Variants in MYL3 observed in about 807,000 individuals in gnomAD.
MYL3 encodes CMLC1.
In MYL3, 11 loss-of-function variants were observed where a neutral mutation model predicts 21.3. The ratio of observed to expected loss-of-function variants is 0.52; its 90% CI spans 0.32 to 0.85. MYL3 has a LOEUF of 0.85. MYL3 is among the 40% of genes least tolerant of loss of function. The pLI, the probability that MYL3 is intolerant of heterozygous loss-of-function variation, is 0.03. For synonymous variants in MYL3, 88 were observed against 91.6 expected (o/e 0.96, Z 0.22); for missense variants, 206 against 253.3 (o/e 0.81, Z 1.27).
At chr3:46,871,265 T>C (rs886592943) in intron 1 of MYL3, among the ~76,000 whole-genome samples, 1 of 151,986 alleles carries the variant, frequency 6.6e-6, no homozygotes. Flanking sequence ...CATCTGTTTG[T>C]GTGTGAACGT....
rs1338579308 is a variant in MYL3 at position 46,859,315 on chromosome 3, C to T, written c.481+160G>A. Among the ~76,000 whole-genome samples, 1 of 152,238 alleles carries T rather than the reference C, an allele frequency of 6.6e-6. No individual in the cohort carries two copies. The highest frequency in any genetic ancestry group is 1.5e-5 in the Non-Finnish European group (1 of 68,040). ...GAGCTGCACCAGCATGCTTGCTTTACTCTCCTCCTAAGTAACATTTCTGTT... is the reference window on the plus strand; with the variant it reads ...GAGCTGCACCAGCATGCTTGCTTTATTCTCCTCCTAAGTAACATTTCTGTT... On this transcript the variant is annotated intron_variant, in intron 4 of 6. Coordinates refer to ENST00000292327, the MANE Select transcript of MYL3 (RefSeq NM_000258.3). This position sits in a 1 kb window ranked among gnomAD's most constrained non-coding sequence, Gnocchi z 4.1.
Position 46,860,738 on chromosome 3 carries a change from G to A in MYL3, c.245C>T (p.Ala82Val), listed in dbSNP as rs752549068. ...TGCCTGTGTGGGGTTCTGGCCCAGC[G>A]CCCGCAGGACATCCCCACACTGCCC... is the stretch of plus-strand genomic sequence containing the variant. ...TYGQCGDVLR[A>V]LGQNPTQAEV... The change falls in exon 3 of 7, where the codon GCG becomes GTG. Residue 82 changes from alanine (A) to valine (V), a missense_variant. Transcript: ENST00000292327. This position sits in a 1 kb window ranked among gnomAD's most constrained non-coding sequence, Gnocchi z 4.6. 15 of 1,614,106 alleles carry A rather than the reference G, an allele frequency of 9.3e-6. No homozygotes were observed. Among genetic ancestry groups the A allele is most frequent in the South Asian group, 2.2e-5 (2 of 91,086 alleles).
At position 46,875,892 on chromosome 3, in the gene MYL3, G is replaced by T. The variant is rs536716923; in HGVS notation, c.-218+6182C>A. Among the ~76,000 whole-genome samples the T allele has an allele frequency of 4.6e-5, 7 of 152,308 alleles. No homozygotes were observed. The East Asian group carries it at 1.4e-3, about 29-fold the overall frequency. On this transcript the variant is annotated intron_variant, in intron 1 of 3. Coordinates refer to the MYL3 transcript ENST00000431168. ...GGCCGGGCCCGAGTAAACATGGCTG[G>T]GTCTGAGCTGCCATTCTCCCCCTAC... is the stretch of plus-strand genomic sequence containing the variant.
At position 46,859,570 on chromosome 3, in the gene MYL3, G is replaced by A; in HGVS notation, c.386C>T (p.Thr129Ile). 1 of 1,614,222 alleles carries A rather than the reference G, an allele frequency of 6.2e-7. No individual in the cohort carries two copies. Among genetic ancestry groups the A allele is most frequent in the Non-Finnish European group, 8.5e-7 (1 of 1,180,040 alleles). The change falls in exon 4 of 7, where the codon ACC (threonine) becomes ATC (isoleucine). Residue 129 changes from threonine (T) to isoleucine (I), a missense_variant. By Grantham distance (89) the Thr-to-Ile change is moderately conservative (BLOSUM62 -1). Transcript: ENST00000292327. This position sits in a 1 kb window ranked among gnomAD's most constrained non-coding sequence, Gnocchi z 4.1. ...CAGCCCCTCCACGAAGTCCTCATAG[G>A]TGCCTGTGTCCTTGTTCTTGGAAAT... ...QHISKNKDTGTYEDFVEGLRV... is the reference protein window; with the variant it reads ...QHISKNKDTGIYEDFVEGLRV...
At chr3:46,866,430 G>C (rs925464144), upstream of MYL3, 1 of 152,274 alleles carries the variant, frequency 6.6e-6, no homozygotes, top group African/African-American at 2.4e-5. Context: ...GGGAAGATAT[G>C]GGCCCTGACT....
chr3:46,869,424 C>A (rs1646666905), intron 1 of MYL3, among the ~76,000 whole-genome samples: 1 of 152,130 alleles, frequency 6.6e-6, no homozygotes, highest in Non-Finnish European at 1.5e-5. Flanking sequence ...TGGGCTGGGG[C>A]TCTGCCCAGC....
chr3:46,871,003 T>C (rs1702104448), intron 1 of MYL3, among the ~76,000 whole-genome samples: 1 of 152,230 alleles, frequency 6.6e-6, no homozygotes, highest in South Asian at 2.1e-4. Flanking sequence ...CACGCGCCTG[T>C]GCACACATAT....
At chr3:46,875,663 C>T (rs1315504672) in intron 1 of MYL3, among the ~76,000 whole-genome samples, 1 of 152,220 alleles carries the variant, frequency 6.6e-6, no homozygotes, top group Non-Finnish European at 1.5e-5. Flanking sequence ...TGTTACGACG[C>T]TGCAAATACC....
chr3:46,877,604 T>C (rs1191245779), intron 1 of MYL3: 1 of 152,244 alleles, frequency 6.6e-6, no homozygotes, highest in Non-Finnish European at 1.5e-5. Flanking sequence ...CTCTGTTGCC[T>C]CCTACTCCTG....
upstream of MYL3, among the ~76,000 whole-genome samples, chr3:46,864,936 T>C (rs924492756): frequency 4.6e-5 from 7 of 152,236 alleles, no homozygotes; most frequent in Admixed American, 4.6e-4. This position sits in a 1 kb window ranked among gnomAD's most constrained non-coding sequence, Gnocchi z 4.7. Flanking sequence ...TGGGCTCTGT[T>C]CCTTGCCCAG....
In MYL3 at chr3:46,858,491, C is replaced by G. The variant is rs768956281; in HGVS notation, c.482-30G>C. The G allele has an allele frequency of 5.6e-6, 9 of 1,605,022 alleles. No individual in the cohort carries two copies. In the East Asian group the frequency reaches 2.0e-4, roughly 36 times the overall value. On this transcript the variant is annotated intron_variant, in intron 4 of 6. Transcript: ENST00000292327. Reference sequence around the variant, plus strand: ...CAGGAGTGGGAGGCTGAGTCAGCACCGTGCGTGCAGAGGCATGATGGGGTG... The same window carrying G: ...CAGGAGTGGGAGGCTGAGTCAGCACGGTGCGTGCAGAGGCATGATGGGGTG...
chr3:46,877,310 C>T (rs530465496), intron 1 of MYL3, among the ~76,000 whole-genome samples: 3 of 152,298 alleles, frequency 2.0e-5, no homozygotes, highest in African/African-American at 7.2e-5. Flanking sequence ...ACCTCCAGCC[C>T]CCCTCTGATT....
At chr3:46,878,977 G>A (rs2030393537) in intron 1 of MYL3, among the ~76,000 whole-genome samples, 1 of 152,234 alleles carries the variant, frequency 6.6e-6, no homozygotes. Flanking sequence ...AACTGACTCT[G>A]AGCCCCTGGG....
chr3:46,881,801 C>T (rs2030587654), intron 1 of MYL3, among the ~76,000 whole-genome samples: 1 of 152,066 alleles, frequency 6.6e-6, no homozygotes, highest in South Asian at 2.1e-4. Flanking sequence ...GGGACCCCGA[C>T]CCGGCCCGAA....
Position 46,860,382 on chromosome 3 carries a change from G to A in MYL3, c.307+294C>T, listed in dbSNP as rs568986815. Among the ~76,000 whole-genome samples, 3 of 152,184 alleles carry A rather than the reference G, an allele frequency of 2.0e-5. No individual in the cohort carries two copies. The highest frequency in any genetic ancestry group is 2.1e-4 in the South Asian group (1 of 4,820). On this transcript the variant is annotated intron_variant, in intron 3 of 6. Coordinates refer to ENST00000292327, the MANE Select transcript of MYL3 (RefSeq NM_000258.3). This position sits in a 1 kb window ranked among gnomAD's most constrained non-coding sequence, Gnocchi z 4.6. ...CTCAAGTGATCCTCCCAAAGCATTGGGATGACAGCATCCCACTGCCCACTG... is the reference window on the plus strand; with the variant it reads ...CTCAAGTGATCCTCCCAAAGCATTGAGATGACAGCATCCCACTGCCCACTG...
At chr3:46,875,497 A>G (rs370649239) in intron 1 of MYL3, among the ~76,000 whole-genome samples, 1 of 152,196 alleles carries the variant, frequency 6.6e-6, no homozygotes, top group African/African-American at 2.4e-5. Flanking sequence ...CAATTTGAGG[A>G]CATGCCCTCA....
intron 1 of MYL3, among the ~76,000 whole-genome samples, chr3:46,873,821 C>T (rs1283844059): frequency 6.6e-6 from 1 of 152,172 alleles, no homozygotes; most frequent in African/African-American, 2.4e-5. Flanking sequence ...GCAGAGAGGC[C>T]CCAGAGATAG....
chr3:46,863,215 A>G (rs764489070), intron 1 of MYL3, 47 bp downstream of exon 1: 1 of 1,612,276 alleles, frequency 6.2e-7, no homozygotes, highest in Non-Finnish European at 8.5e-7. Flanking sequence ...TCTGGGATCC[A>G]CTCACTTGCC....
upstream of MYL3, chr3:46,866,331 C>T (rs1245100568): frequency 6.6e-6 from 1 of 152,292 alleles, no homozygotes; most frequent in Non-Finnish European, 1.5e-5. Flanking sequence ...GAGCTGCAGC[C>T]CAGTGTGCTG....
Sources: allele counts gnomAD v4.1 joint callset (sites outside exome capture counted in the v4.1 genomes callset), GRCh38; gene constraint gnomAD v4.1.1; non-coding constraint Gnocchi (gnomAD v3.1); transcripts MANE v1.5; gene names NCBI Gene and HGNC (gene_info 2026-07-23, HGNC 2026-07-21).